The following WSCD1 variants were observed in gnomAD, a reference collection of about 807,000 sequenced individuals.
WSCD1 encodes the protein sialate:O-sulfotransferase 1.
WSCD1 carries 41 observed loss-of-function variants against 60.4 expected under a neutral mutation model. The observed-to-expected ratio is 0.68, with a 90% CI of 0.53 to 0.88. The LOEUF (loss-of-function observed/expected upper bound fraction) is 0.88, where lower values mean the gene tolerates loss of function less well. WSCD1 is among the 40% of genes least tolerant of loss of function. The probability of loss-of-function intolerance (pLI) is 0.00; values close to 1 mark genes in which losing one functional copy is unlikely to be tolerated. For missense variants in WSCD1, 784 were observed against 796.2 expected, an observed-to-expected ratio of 0.98 and a Z score of 0.18; for synonymous variants, 361 against 332.5, an observed-to-expected ratio of 1.09 and a Z score of -0.93.
intron 5 of WSCD1, 87 bp from the exon 6 acceptor site, chr17:6,109,520 C>A (rs892821266): frequency 6.6e-7 from 1 of 1,523,602 alleles, no homozygotes; most frequent in Non-Finnish European, 8.9e-7. Context: ...GGCAATACAT[C>A]GTCCATGTTC....
Position 6,118,966 on chromosome 17 carries a change from G to A in WSCD1, c.1375+778G>A, listed in dbSNP as rs1904471076. Among the ~76,000 whole-genome samples, 1 of 152,154 alleles carries A rather than the reference G, an allele frequency of 6.6e-6. No individual in the cohort carries two copies. Among genetic ancestry groups the A allele is most frequent in the Admixed American group, 6.5e-5 (1 of 15,272 alleles). ...CTGGGAAGTCCAAGATCAAAGTGCT[G>A]GCTAATTCCATTCCCAGGAAGGGCC... On this transcript the variant is annotated intron_variant, in intron 8 of 8. Transcript: ENST00000317744. The surrounding 1 kb of genome is among the most constrained non-coding windows in gnomAD (Gnocchi z 5.8).
rs1363053630 is a variant in WSCD1 at position 6,110,437 on chromosome 17, C to T, written c.1010-334C>T. Among the ~76,000 whole-genome samples the T allele has an allele frequency of 6.6e-6, 1 of 152,172 alleles. No homozygotes were observed. Among genetic ancestry groups the T allele is most frequent in the Non-Finnish European group, 1.5e-5 (1 of 68,036 alleles). On this transcript the variant is annotated intron_variant, in intron 6 of 8. Transcript: ENST00000317744. The surrounding 1 kb of genome is among the most constrained non-coding windows in gnomAD (Gnocchi z 4.8). Reference sequence around the variant, plus strand: ...CTAGCCTCAATCCCCACCCACTTCCCCTATTAGAATCTGGAATTATCTGTG... The same window carrying T: ...CTAGCCTCAATCCCCACCCACTTCCTCTATTAGAATCTGGAATTATCTGTG...
At chr17:6,112,222 A>G (rs1371020919) in intron 7 of WSCD1, among the ~76,000 whole-genome samples, 2 of 152,238 alleles carry the variant, frequency 1.3e-5, no homozygotes, top group Admixed American at 6.5e-5. Context: ...AATGATGAAG[A>G]TCAGAGCAGA....
intron 5 of WSCD1, among the ~76,000 whole-genome samples, chr17:6,105,828 C>T (rs1002184288): frequency 5.9e-5 from 9 of 152,074 alleles, no homozygotes; most frequent in East Asian, 1.9e-4. Flanking sequence ...TTTTTTTCCT[C>T]GGAACAGGAA....
At position 6,120,525 on chromosome 17, in the gene WSCD1, G is replaced by A. The variant is rs561880749; in HGVS notation, c.1592G>A (p.Arg531His). ...AACAAGGAGGGCAGCTTCCGGCGGC[G>A]CGGCCGGCGCTCCCACGACCCTGAG... ...ENNKEGSFRR[R>H]GRRSHDPEPF... The change falls in exon 9 of 9, where the codon CGC (arginine) becomes CAC (histidine). Residue 531 changes from arginine to histidine, a missense_variant. Physicochemically the swap from Arg to His is conservative, Grantham distance 29 (BLOSUM62 0). Transcript: ENST00000317744. 6.9e-5 allele frequency: 112 copies of A among 1,613,734 alleles called. No homozygotes were observed. The highest frequency in any genetic ancestry group is 2.8e-4 in the African/African-American group (21 of 75,066).
rs1469972690 is a variant in WSCD1 at position 6,123,097 on chromosome 17, C to T, written c.*2436C>T. The T allele has an allele frequency of 6.6e-6, 1 of 152,214 alleles. No individual in the cohort carries two copies. The highest frequency in any genetic ancestry group is 1.5e-5 in the Non-Finnish European group (1 of 68,072). The allele number at this position is 152,214 out of a possible 1,614,324, so 9.4% of individuals were successfully genotyped here. The stretch of plus-strand genomic sequence containing the variant: ...ATTTGTTTTTCTCCAAGTTAGGTCT[C>T]ATCTACAGCTCTTAGCTTCTCAGTA... On this transcript the variant is annotated 3_prime_UTR_variant, in exon 9 of 9. Transcript: ENST00000317744.
chr17:6,090,339 C>G lies in WSCD1; in HGVS notation c.561C>G (p.Gly187=). 1.9e-6 allele frequency: 3 copies of G among 1,604,398 alleles called. No individual in the cohort carries two copies. The South Asian group carries it at 3.3e-5, about 18-fold the overall frequency. ...CCTGCAGGTCCTATGTCTACGCCGG[C>G]TTGGAGGCCGGGGCGGAGTGTTACT... ...ACAERSYVYA[G]LEAGAECYCG... is the part of the protein sequence containing the mutation. The change falls in exon 4 of 9, where the codon GGC becomes GGG. Residue 187 remains glycine, a synonymous_variant. Transcript: ENST00000317744.
intron 4 of WSCD1, among the ~76,000 whole-genome samples, chr17:6,091,336 T>C (rs1474871006): frequency 6.6e-6 from 1 of 152,150 alleles, no homozygotes; most frequent in African/African-American, 2.4e-5. Context: ...GGCAATCCCT[T>C]GGATCCAAAA....
chr17:6,096,998 C>T (rs1258694397), intron 5 of WSCD1, among the ~76,000 whole-genome samples: 1 of 152,264 alleles, frequency 6.6e-6, no homozygotes, highest in African/African-American at 2.4e-5. Flanking sequence ...CAGATGCCTG[C>T]TTGCTGCGAG....
chr17:6,088,890 C>T (rs571110896), intron 3 of WSCD1, among the ~76,000 whole-genome samples: 3 of 151,748 alleles, frequency 2.0e-5, no homozygotes, highest in South Asian at 2.1e-4. Flanking sequence ...TCACGCCATT[C>T]GCCTGCCTCA....
At chr17:6,109,470 G>A in intron 5 of WSCD1, 137 bp from the exon 6 acceptor site, 1 of 1,256,486 alleles carries the variant, frequency 8.0e-7, no homozygotes, top group Non-Finnish European at 1.1e-6. Context: ...AGTGGTGGAA[G>A]GATGGTGGTC....
intron 4 of WSCD1, among the ~76,000 whole-genome samples, chr17:6,091,780 C>T (rs917447287): frequency 2.0e-5 from 3 of 152,182 alleles, no homozygotes; most frequent in Non-Finnish European, 1.5e-5. Context: ...GGTCCAGGCT[C>T]ACCGCCTCTG....
chr17:6,110,238 T>A lies in WSCD1; in HGVS notation c.1009+472T>A, dbSNP rs572630867. Among the ~76,000 whole-genome samples the A allele has an allele frequency of 1.3e-5, 2 of 152,292 alleles. No individual in the cohort carries two copies. The highest frequency in any genetic ancestry group is 4.8e-5 in the African/African-American group (2 of 41,562). On this transcript the variant is annotated intron_variant, in intron 6 of 8. Transcript: ENST00000317744. This position sits in a 1 kb window ranked among gnomAD's most constrained non-coding sequence, Gnocchi z 4.8. ...CGGGGACGAGGGATGTTACCACCTT[T>A]ATCAAGTGCCTACTGTGACCCAGCA...
chr17:6,076,567 G>A (rs780292737), intron 1 of WSCD1, among the ~76,000 whole-genome samples: 11 of 152,188 alleles, frequency 7.2e-5, no homozygotes, highest in Non-Finnish European at 1.5e-4. Context: ...AGGGAACAGA[G>A]TAGCGGAGGT....
chr17:6,110,726 T>C lies in WSCD1; in HGVS notation c.1010-45T>C. 1.3e-6 allele frequency: 2 copies of C among 1,572,098 alleles called. No individual in the cohort carries two copies. Among genetic ancestry groups the C allele is most frequent in the Non-Finnish European group, 1.7e-6 (2 of 1,152,572 alleles). ...GGGAGTTTAGTGGTGAATTGGTGAG[T>C]CATAATGGAAGTGAGTAACCCCGTG... On this transcript the variant is annotated intron_variant, in intron 6 of 8. Coordinates refer to ENST00000317744, the MANE Select transcript of WSCD1 (RefSeq NM_015253.2). The surrounding 1 kb of genome is among the most constrained non-coding windows in gnomAD (Gnocchi z 4.8).
intron 2 of WSCD1, among the ~76,000 whole-genome samples, chr17:6,086,325 C>T (rs1321623114): frequency 1.4e-5 from 2 of 145,146 alleles, no homozygotes; most frequent in Non-Finnish European, 3.0e-5. Flanking sequence ...ATAAATAGTA[C>T]TATAATTGTT....
intron 5 of WSCD1, among the ~76,000 whole-genome samples, chr17:6,105,054 C>A (rs1013934280): frequency 6.6e-6 from 1 of 152,352 alleles, no homozygotes; most frequent in Non-Finnish European, 1.5e-5. Flanking sequence ...TGCTCCTTAC[C>A]TGGAGGAATG....
Position 6,088,022 on chromosome 17 carries a change from C to G in WSCD1, c.460C>G (p.His154Asp). The change falls in exon 3 of 9, where the codon CAC becomes GAC. Residue 154 changes from histidine to aspartate, a missense_variant. His to Asp is a moderately conservative substitution (Grantham distance 81). Coordinates refer to ENST00000317744, the MANE Select transcript of WSCD1 (RefSeq NM_015253.2). ...CATTGGATGCTTCAGTGACGATGGC[C>G]ACGAGAGGACTCTGAAAGGAGCTGT... ...TYIGCFSDDG[H>D]ERTLKGAVFY... is the part of the protein sequence containing the mutation. 6.2e-7 allele frequency: 1 copy of G among 1,614,124 alleles called. No individual in the cohort carries two copies. Among genetic ancestry groups the G allele is most frequent in the Non-Finnish European group, 8.5e-7 (1 of 1,180,012 alleles).
At chr17:6,074,825 C>A (rs1315645150) in intron 1 of WSCD1, among the ~76,000 whole-genome samples, 2 of 152,210 alleles carry the variant, frequency 1.3e-5, no homozygotes, top group African/African-American at 2.4e-5. Context: ...GAAGCCATTA[C>A]AGGCTGTGGC....
Sources: allele counts gnomAD v4.1 joint callset (sites outside exome capture counted in the v4.1 genomes callset), GRCh38; gene constraint gnomAD v4.1.1; non-coding constraint Gnocchi (gnomAD v3.1); transcripts MANE v1.5; gene names NCBI Gene and HGNC (gene_info 2026-07-23, HGNC 2026-07-21).